ANXA8: variants seen among roughly 807,000 people sequenced by gnomAD.
The protein encoded by ANXA8 is VAC-beta.
Under a neutral mutation model 26.8 loss-of-function variants are expected in ANXA8, and 9 were observed. The observed-to-expected ratio is 0.34, with a 90% CI of 0.20 to 0.59. The LOEUF (loss-of-function observed/expected upper bound fraction) is 0.59, where lower values mean the gene tolerates loss of function less well. Ranked by LOEUF, ANXA8 falls within the 20% of genes least tolerant of loss-of-function variation. ANXA8 has a pLI of 0.84. For synonymous variants in ANXA8, 39 were observed against 94.8 expected, an observed-to-expected ratio of 0.41 and a Z score of 3.42; for missense variants, 83 against 238.5, an observed-to-expected ratio of 0.35 and a Z score of 4.29.
chr10:47,664,480 A>G, the ANXA8 span, among the ~76,000 whole-genome samples: 18 of 151,430 alleles, frequency 1.2e-4, no homozygotes, highest in East Asian at 7.8e-4. Context: ...AGGCAGGAGA[A>G]TCGCTTGAAC....
chr10:47,747,353 A>G, the ANXA8 span, among the ~76,000 whole-genome samples: 3 of 149,586 alleles, frequency 2.0e-5, no homozygotes, highest in African/African-American at 7.3e-5. Flanking sequence ...GCTATGCAGA[A>G]AGGCTATGAA....
At chr10:47,701,332 G>A in the ANXA8 span, among the ~76,000 whole-genome samples, 15 of 151,486 alleles carry the variant, frequency 9.9e-5, no homozygotes, top group Admixed American at 2.0e-4. Context: ...AATTACATAT[G>A]TACTTAGCTT....
chr10:47,484,669 A>G (rs1187790355), upstream of ANXA8: 10,413 of 941,154 alleles, frequency 0.011, 78 homozygotes, highest in Admixed American at 0.016. Flanking sequence ...TCACTGGAGG[A>G]TGTGTGGTTA....
chr10:47,489,427 G>A, the ANXA8 span, among the ~76,000 whole-genome samples: 116 of 150,654 alleles, frequency 7.7e-4, no homozygotes, highest in African/African-American at 2.8e-3. Context: ...ACAGTCTGTG[G>A]CCTCTGATGA....
the ANXA8 span, chr10:47,502,943 G>A: frequency 2.8e-5 from 45 of 1,598,532 alleles, 1 homozygote; most frequent in Non-Finnish European, 3.6e-5. Flanking sequence ...TTATTGGCAT[G>A]AGGAGAGGGG....
At chr10:47,696,204 C>A in the ANXA8 span, among the ~76,000 whole-genome samples, 18 of 151,910 alleles carry the variant, frequency 1.2e-4, no homozygotes, top group South Asian at 1.0e-3. Context: ...TATAAAGAAG[C>A]AATTTTGTTA....
the ANXA8 span, chr10:47,589,538 C>T: frequency 3.4e-5 from 5 of 146,268 alleles, no homozygotes; most frequent in Non-Finnish European, 5.9e-5. Context: ...CAGAATCAGG[C>T]TTGTTCTGCG....
At chr10:47,676,964 A>C in the ANXA8 span, among the ~76,000 whole-genome samples, 1 of 132,758 alleles carries the variant, frequency 7.5e-6, no homozygotes. Flanking sequence ...TGTTAAATAC[A>C]ATGGGATGAC....
At chr10:47,694,241 A>G in the ANXA8 span, among the ~76,000 whole-genome samples, 1 of 151,322 alleles carries the variant, frequency 6.6e-6, no homozygotes, top group African/African-American at 2.4e-5. Flanking sequence ...TTTTAAGAAA[A>G]AGAGGATCTA....
chr10:47,552,431 G>A, the ANXA8 span, among the ~76,000 whole-genome samples: 28,452 of 132,742 alleles, frequency 0.21, 1,462 homozygotes, highest in East Asian at 0.42. Context: ...ACTTAAACCA[G>A]AACTTAAATT....
the ANXA8 span, among the ~76,000 whole-genome samples, chr10:47,695,395 G>A: frequency 7.3e-5 from 11 of 151,324 alleles, no homozygotes; most frequent in African/African-American, 2.7e-4. Context: ...GTGGGAGCTG[G>A]TGGCAAGGAG....
chr10:47,772,431 C>T, the ANXA8 span, among the ~76,000 whole-genome samples: 54 of 152,384 alleles, frequency 3.5e-4, no homozygotes, highest in South Asian at 4.1e-3. Flanking sequence ...ACCCTCCATA[C>T]CTTGTTGCTC....
At chr10:47,980,419 T>C in the ANXA8 span, among the ~76,000 whole-genome samples, 3 of 151,010 alleles carry the variant, frequency 2.0e-5, no homozygotes, top group African/African-American at 7.3e-5. Flanking sequence ...ATAATAAAGA[T>C]TGTAGTGGAA....
chr10:47,469,661 ATTC>A (rs1839254690), intron 11 of ANXA8, among the ~76,000 whole-genome samples: 1 of 151,412 alleles, frequency 6.6e-6, no homozygotes, highest in South Asian at 2.1e-4. Context: ...GATCACCCAG[ATTC>A]TTCTTCATGC....
chr10:47,718,164 A>T, the ANXA8 span, among the ~76,000 whole-genome samples: 3 of 152,358 alleles, frequency 2.0e-5, no homozygotes, highest in African/African-American at 4.8e-5. Context: ...AAAAATCGAA[A>T]TTTTTTTTTT....
chr10:47,670,404 G>A, the ANXA8 span, among the ~76,000 whole-genome samples: 2 of 151,974 alleles, frequency 1.3e-5, no homozygotes, highest in African/African-American at 2.4e-5. Context: ...GATCATATAT[G>A]GTAATTCTGT....
chr10:47,769,798 C>CA, the ANXA8 span, among the ~76,000 whole-genome samples: 3 of 152,298 alleles, frequency 2.0e-5, no homozygotes, highest in Non-Finnish European at 4.4e-5. Flanking sequence ...TGTACTCCCA[C>CA]AGCCTTGCAA....
chr10:47,691,713 T>C, the ANXA8 span, among the ~76,000 whole-genome samples: 1 of 149,860 alleles, frequency 6.7e-6, no homozygotes, highest in Non-Finnish European at 1.5e-5. Flanking sequence ...GAGCTTTGAT[T>C]GGGCCACTGC....
chr10:47,503,076 G>A, the ANXA8 span: 248 of 1,611,518 alleles, frequency 1.5e-4, no homozygotes, highest in Middle Eastern at 2.8e-3. Context: ...TGGGTGCACA[G>A]GCTGATGTGG....
Sources: allele counts gnomAD v4.1 joint callset (sites outside exome capture counted in the v4.1 genomes callset), GRCh38; gene constraint gnomAD v4.1.1; transcripts MANE v1.5; gene names NCBI Gene and HGNC (gene_info 2026-07-23, HGNC 2026-07-21).